RGS7: variants seen among roughly 807,000 people sequenced by gnomAD.
The protein encoded by RGS7 is regulator of G-protein signaling 7.
In RGS7, 27 loss-of-function variants were observed where a neutral mutation model predicts 81.1. The ratio of observed to expected loss-of-function variants is 0.33; its 90% CI spans 0.25 to 0.46. The LOEUF (loss-of-function observed/expected upper bound fraction) is 0.46, where lower values mean the gene tolerates loss of function less well. Among genes scored for constraint, RGS7 ranks in the 20% least tolerant of loss-of-function variants. The probability of loss-of-function intolerance (pLI) is 1.00; values close to 1 mark genes in which losing one functional copy is unlikely to be tolerated. For synonymous variants in RGS7, 208 were observed against 207.7 expected (o/e 1.00, Z -0.01); for missense variants, 396 against 607.4 (o/e 0.65, Z 3.66).
At chr1:241,037,045 T>C (rs933016743) in intron 3 of RGS7, among the ~76,000 whole-genome samples, 4 of 152,214 alleles carry the variant, frequency 2.6e-5, no homozygotes, top group African/African-American at 9.6e-5. Context: ...GAAATATGCT[T>C]CTGTCATAAT....
intron 3 of RGS7, among the ~76,000 whole-genome samples, chr1:241,066,476 T>C (rs754999403): frequency 6.6e-6 from 1 of 152,236 alleles, no homozygotes; most frequent in African/African-American, 2.4e-5. Flanking sequence ...TGCTTCTCCT[T>C]AGCCATATTC....
intron 6 of RGS7, among the ~76,000 whole-genome samples, chr1:240,902,428 ACAC>A (rs1238286526): frequency 6.6e-6 from 1 of 152,136 alleles, no homozygotes; most frequent in East Asian, 1.9e-4. Flanking sequence ...TTTCTGGAGT[ACAC>A]TATCATTACA....
chr1:241,174,895 G>GTTTTTTTTTTTTT (rs551122102), intron 2 of RGS7, among the ~76,000 whole-genome samples: 10 of 69,230 alleles, frequency 1.4e-4, no homozygotes, highest in African/African-American at 1.8e-4. Flanking sequence ...ACAGAATTTT[G>GTTTTTTTTTTTTT]TTTTTTTTTT....
chr1:241,196,917 A>G (rs1162346086), intron 2 of RGS7, among the ~76,000 whole-genome samples: 1 of 151,668 alleles, frequency 6.6e-6, no homozygotes, highest in Non-Finnish European at 1.5e-5. Flanking sequence ...CAATGGTAAA[A>G]GAATGTGTAT....
At chr1:240,793,611 A>ATATATATATATATTTTTTT in intron 18 of RGS7, among the ~76,000 whole-genome samples, 2 of 78,812 alleles carry the variant, frequency 2.5e-5, no homozygotes, top group African/African-American at 1.9e-4. Context: ...ATATATATAT[A>ATATATATATATATTTTTTT]TTTTTTTTTT....
At chr1:240,789,872 C>T (rs1181550649) in intron 18 of RGS7, among the ~76,000 whole-genome samples, 2 of 152,148 alleles carry the variant, frequency 1.3e-5, no homozygotes, top group Admixed American at 6.5e-5. Flanking sequence ...GTGACCCACA[C>T]CCTATTCATA....
At chr1:240,833,861 G>A (rs761105397) in intron 9 of RGS7, among the ~76,000 whole-genome samples, 3 of 151,790 alleles carry the variant, frequency 2.0e-5, no homozygotes, top group African/African-American at 7.3e-5. Context: ...GCTCACTATA[G>A]CCTTGACTTC....
intron 4 of RGS7, among the ~76,000 whole-genome samples, chr1:240,960,555 T>C (rs1417087865): frequency 6.7e-6 from 1 of 149,576 alleles, no homozygotes; most frequent in Non-Finnish European, 1.5e-5. Flanking sequence ...TCTTTTTTTT[T>C]TTTTTTTTTT....
intron 6 of RGS7, among the ~76,000 whole-genome samples, chr1:240,892,512 C>T (rs115590365): frequency 3.2e-4 from 48 of 152,296 alleles, no homozygotes; most frequent in African/African-American, 1.1e-3. Context: ...CACAGCCCTA[C>T]ATTTTTCTTT....
intron 3 of RGS7, among the ~76,000 whole-genome samples, chr1:241,071,874 C>CAAAAAAAAAAA (rs58217460): frequency 0.048 from 2,714 of 56,716 alleles, 718 homozygotes; most frequent in East Asian, 0.1. Flanking sequence ...GAGACCCTGT[C>CAAAAAAAAAAA]AAAAAAAAAA....
chr1:241,162,246 T>C lies in RGS7; in HGVS notation c.79-63484A>G, dbSNP rs531977078. ...AGCTTCCAAATAAGATCTCAGAAGT[T>C]GGGCGAGCACGCTAAGCATGTGCAC... On this transcript the variant is annotated intron_variant, in intron 2 of 18. Coordinates refer to ENST00000440928, the MANE Select transcript of RGS7 (RefSeq NM_001364886.1). Among the ~76,000 whole-genome samples the C allele has an allele frequency of 5.6e-5, 7 of 124,554 alleles. No homozygotes were observed. The South Asian group carries it at 1.4e-3, about 25-fold the overall frequency. The allele number at this position is 124,554 out of a possible 152,430, so 81.7% of individuals were successfully genotyped here. A position where few individuals can be genotyped will look rare whatever the true frequency, so the allele number is the denominator to read the frequency against.
chr1:241,325,357 A>T (rs1181496556), intron 2 of RGS7, among the ~76,000 whole-genome samples: 1 of 152,176 alleles, frequency 6.6e-6, no homozygotes, highest in East Asian at 1.9e-4. Context: ...AGTTACACAG[A>T]ACTCATAGGC....
intron 18 of RGS7, among the ~76,000 whole-genome samples, chr1:240,786,403 ATGT>A (rs1181526733): frequency 1.3e-5 from 2 of 152,202 alleles, no homozygotes; most frequent in Non-Finnish European, 2.9e-5. Context: ...TTCAAAAATA[ATGT>A]TGTTTTACCA....
chr1:240,782,744 TAA>T (rs1684345911), intron 18 of RGS7, among the ~76,000 whole-genome samples: 1 of 152,144 alleles, frequency 6.6e-6, no homozygotes, highest in African/African-American at 2.4e-5. Context: ...TTTTTATAGC[TAA>T]GTTTTAAAGT....
chr1:240,838,560 G>A (rs573790422), intron 9 of RGS7, among the ~76,000 whole-genome samples: 1 of 152,244 alleles, frequency 6.6e-6, no homozygotes, highest in Non-Finnish European at 1.5e-5. Context: ...ATGTAGTGGT[G>A]TTAGAAAAGA....
chr1:241,273,560 GCTCT>G (rs2078039734), intron 2 of RGS7, among the ~76,000 whole-genome samples: 1 of 152,068 alleles, frequency 6.6e-6, no homozygotes, highest in South Asian at 2.1e-4. Context: ...TCCAAGTAGT[GCTCT>G]CTCTTAGCAT....
chr1:240,927,347 G>A (rs1180272742), intron 6 of RGS7, among the ~76,000 whole-genome samples: 2 of 152,290 alleles, frequency 1.3e-5, no homozygotes, highest in East Asian at 3.9e-4. Flanking sequence ...TTACAGGCGT[G>A]AGCCACCGCG....
intron 2 of RGS7, among the ~76,000 whole-genome samples, chr1:241,303,263 A>G (rs1376040496): frequency 6.6e-6 from 1 of 152,078 alleles, no homozygotes. Flanking sequence ...AGTCCCCATG[A>G]AATCTGGTAG....
At chr1:241,291,972 C>T (rs1553310760) in intron 2 of RGS7, among the ~76,000 whole-genome samples, 1 of 152,284 alleles carries the variant, frequency 6.6e-6, no homozygotes, top group South Asian at 2.1e-4. Context: ...TTAATCCATA[C>T]TATTCCTTCT....
Sources: gnomAD v4.1 joint callset for allele counts (sites outside exome capture counted in the v4.1 genomes callset) on GRCh38, gnomAD v4.1.1 for gene constraint, MANE v1.5 for transcripts, NCBI Gene and HGNC (gene_info 2026-07-23, HGNC 2026-07-21) for gene names.